LRGUK: variants seen among roughly 807,000 people sequenced by gnomAD.
LRGUK encodes leucine rich repeats and guanylate kinase domain containing, also known as leucine-rich repeat and guanylate kinase domain-containing protein.
In LRGUK, 65 loss-of-function variants were observed where a neutral mutation model predicts 76.0. The observed-to-expected ratio is 0.85, with a 90% CI of 0.70 to 1.05. The LOEUF is 1.05. Among genes scored for constraint, LRGUK ranks in the 50% least tolerant of loss-of-function variants. The probability of loss-of-function intolerance (pLI) is 0.00; values close to 1 mark genes in which losing one functional copy is unlikely to be tolerated. For synonymous variants in LRGUK, 268 were observed against 265.6 expected, an observed-to-expected ratio of 1.01 and a Z score of -0.09; for missense variants, 758 against 732.8, an observed-to-expected ratio of 1.03 and a Z score of -0.40.
intron 3 of LRGUK, among the ~76,000 whole-genome samples, chr7:134,139,954 T>C (rs1797701383): frequency 6.6e-6 from 1 of 152,170 alleles, no homozygotes; most frequent in African/African-American, 2.4e-5. Context: ...ATTTTGAAAA[T>C]CTTATTTTTA....
At chr7:134,167,745 T>C (rs1270520390) in intron 7 of LRGUK, among the ~76,000 whole-genome samples, 1 of 152,124 alleles carries the variant, frequency 6.6e-6, no homozygotes, top group East Asian at 1.9e-4. Flanking sequence ...ACAGCTGGTG[T>C]CTCTGCTGGA....
chr7:134,235,992 A>G lies in LRGUK; in HGVS notation c.1984-11564A>G, dbSNP rs556123429. ...CATAAGATATCACATTTTTAGTAAG[A>G]TATTAATAGGTAAGAAGCACAGTGA... On this transcript the variant is annotated intron_variant, in intron 16 of 19. Transcript: ENST00000285928. 2.6e-5 allele frequency among the ~76,000 whole-genome samples: 4 copies of G among 152,328 alleles called. No individual in the cohort carries two copies. The East Asian group carries it at 7.7e-4, about 29-fold the overall frequency.
intron 10 of LRGUK, among the ~76,000 whole-genome samples, chr7:134,178,852 G>A (rs1799602995): frequency 7.3e-6 from 1 of 136,886 alleles, no homozygotes; most frequent in Admixed American, 8.5e-5. Flanking sequence ...GCATGGTGAT[G>A]AGTTGATTCA....
intron 10 of LRGUK, among the ~76,000 whole-genome samples, chr7:134,180,060 G>T (rs1799672807): frequency 1.3e-5 from 2 of 152,186 alleles, no homozygotes; most frequent in Non-Finnish European, 2.9e-5. Context: ...GGTAGTCATT[G>T]ATAGCTTCTT....
At chr7:134,200,006 A>T (rs1323954929) in intron 14 of LRGUK, among the ~76,000 whole-genome samples, 2 of 128,366 alleles carry the variant, frequency 1.6e-5, no homozygotes, top group African/African-American at 2.9e-5. Context: ...ATATATATAT[A>T]TATATATATA....
chr7:134,218,874 A>T (rs1172746659), intron 15 of LRGUK, among the ~76,000 whole-genome samples: 1 of 152,230 alleles, frequency 6.6e-6, no homozygotes, highest in Non-Finnish European at 1.5e-5. Context: ...ACATGGTTCC[A>T]GTTGTTCCAG....
intron 12 of LRGUK, among the ~76,000 whole-genome samples, chr7:134,195,550 A>G (rs1017408238): frequency 4.6e-5 from 7 of 152,144 alleles, no homozygotes; most frequent in African/African-American, 7.2e-5. Flanking sequence ...TTTTTGTTCT[A>G]TTGAGGCCTT....
At chr7:134,235,579 A>T (rs1801994501) in intron 16 of LRGUK, among the ~76,000 whole-genome samples, 2 of 152,086 alleles carry the variant, frequency 1.3e-5, no homozygotes, top group Admixed American at 1.3e-4. Context: ...CCTCTAATGC[A>T]TTAGGCTATT....
chr7:134,127,494 T>G (rs1408257555), exon 1 of LRGUK: 1 of 1,614,036 alleles, frequency 6.2e-7, no homozygotes, highest in African/African-American at 1.3e-5. Context: ...GCCTTGCTGG[T>G]CTTTTCCCAT....
intron 16 of LRGUK, among the ~76,000 whole-genome samples, chr7:134,226,365 G>A (rs1801764116): frequency 6.6e-6 from 1 of 152,062 alleles, no homozygotes; most frequent in Admixed American, 6.6e-5. Flanking sequence ...CTGTGTACAT[G>A]AGGCCTTCTC....
In LRGUK at chr7:134,196,983, G is replaced by C. The variant is rs201335402; in HGVS notation, c.1432-9G>C. On this transcript the variant is annotated splice_polypyrimidine_tract_variant and intron_variant, in intron 12 of 15. Coordinates refer to ENST00000645682, the Ensembl canonical transcript of LRGUK. ...TTATATGAAAATCTTTGTTCTTCTC[G>C]AATTCCAGGGGAAATTCATTCTAAC... 9 of 1,474,224 alleles carry C rather than the reference G, an allele frequency of 6.1e-6. No individual in the cohort carries two copies. Among genetic ancestry groups the C allele is most frequent in the Admixed American group, 5.2e-5 (3 of 58,030 alleles). The allele number at this position is 1,474,224 out of a possible 1,614,324, so 91.3% of individuals were successfully genotyped here.
At chr7:134,204,965 C>T (rs767732425) in intron 15 of LRGUK, among the ~76,000 whole-genome samples, 6 of 152,176 alleles carry the variant, frequency 3.9e-5, no homozygotes, top group Admixed American at 6.5e-5. Context: ...CGTGGACCTT[C>T]GTGGTGAGTG....
intron 14 of LRGUK, 126 bp downstream of exon 14, chr7:134,199,547 C>T (rs1352456720): frequency 1.9e-5 from 14 of 735,598 alleles, no homozygotes; most frequent in South Asian, 1.3e-4. Flanking sequence ...CAAAGAGCTG[C>T]GAAAAGGGGT....
intron 6 of LRGUK, among the ~76,000 whole-genome samples, chr7:134,160,781 T>C (rs1798693314): frequency 6.6e-6 from 1 of 152,230 alleles, no homozygotes; most frequent in Non-Finnish European, 1.5e-5. Context: ...AGAATGTTTC[T>C]AATTTCATTT....
rs77732118 is a variant in LRGUK at position 134,160,566 on chromosome 7, G to A, written c.795+2407G>A. On this transcript the variant is annotated intron_variant, in intron 6 of 15. Transcript: ENST00000645682. Reference sequence around the variant, plus strand: ...AAAATAATTTACATTACAATTTAGAGAAAGAAGAACAATTCACCATATGAA... The same window carrying A: ...AAAATAATTTACATTACAATTTAGAAAAAGAAGAACAATTCACCATATGAA... 5.8e-3 allele frequency among the ~76,000 whole-genome samples: 880 copies of A among 152,222 alleles called. 3 individuals are homozygous for A. The highest frequency in any genetic ancestry group is 0.01 in the Non-Finnish European group (695 of 67,990).
chr7:134,252,149 G>A (rs759333025), intron 18 of LRGUK, among the ~76,000 whole-genome samples: 3 of 151,570 alleles, frequency 2.0e-5, no homozygotes, highest in African/African-American at 4.9e-5. Flanking sequence ...GACCAGCCTC[G>A]GCAACATAGT....
rs1262231032 is a variant in LRGUK, at chr7:134,157,913, G to A, written c.671-122G>A. On this transcript the variant is annotated intron_variant, in intron 5 of 15. Transcript: ENST00000645682. ...AGGATTAATACTCATCCTATATTGGGCATATAATCGTTCTTTATTTAAGCT... is the reference window on the plus strand; with the variant it reads ...AGGATTAATACTCATCCTATATTGGACATATAATCGTTCTTTATTTAAGCT... The A allele has an allele frequency of 6.0e-6, 4 of 661,254 alleles. No individual in the cohort carries two copies. The East Asian group carries it at 1.1e-4, about 18-fold the overall frequency. The allele number at this position is 661,254 out of a possible 1,614,324, so 41.0% of individuals were successfully genotyped here. A position where few individuals can be genotyped will look rare whatever the true frequency, so the allele number is the denominator to read the frequency against.
In LRGUK at chr7:134,250,413, C is replaced by T. The variant is rs538735735; in HGVS notation, c.2198+1337C>T. ...AGTTTTTGTTTTTTTGTTCACCCCC[C>T]GTATTTTCAACAATGAGCATTTTTA... On this transcript the variant is annotated intron_variant, in intron 18 of 19. Coordinates refer to the LRGUK transcript ENST00000285928. Among the ~76,000 whole-genome samples the T allele has an allele frequency of 7.9e-5, 12 of 152,112 alleles. 1 individual carries two copies. Among genetic ancestry groups the T allele is most frequent in the Admixed American group, 2.0e-4 (3 of 15,280 alleles).
chr7:134,236,761 A>G (rs1802026649), intron 16 of LRGUK, among the ~76,000 whole-genome samples: 1 of 152,228 alleles, frequency 6.6e-6, no homozygotes, highest in Non-Finnish European at 1.5e-5. Flanking sequence ...TTTTCTGAAC[A>G]GTTTATCAGG....
Sources: gnomAD v4.1 joint callset for allele counts (sites outside exome capture counted in the v4.1 genomes callset) on GRCh38, gnomAD v4.1.1 for gene constraint, MANE v1.5 for transcripts, NCBI Gene and HGNC (gene_info 2026-07-23, HGNC 2026-07-21) for gene names.